The following CCDC85A variants were observed in gnomAD, a reference collection of about 807,000 sequenced individuals.
CCDC85A encodes coiled-coil domain containing 85A, also known as coiled-coil domain-containing protein 85A.
A neutral mutation model predicts 50.2 loss-of-function variants in CCDC85A; 38 were observed. The observed-to-expected ratio is 0.76, with a 90% CI of 0.58 to 0.99. The LOEUF (loss-of-function observed/expected upper bound fraction) is 0.99. Among genes scored for constraint, CCDC85A ranks in the 50% least tolerant of loss-of-function variants. The pLI is 0.00. For synonymous variants in CCDC85A, 366 were observed against 301.4 expected (o/e 1.21, Z -2.22); for missense variants, 820 against 742.0 (o/e 1.11, Z -1.22).
Position 56,342,961 on chromosome 2 carries a change from T to C in CCDC85A, c.1317+6T>C. Reference sequence around the variant, plus strand: ...AAAATCGCATGCTGCCCCAGGTGGGTGACTTCCAGAAGCTCATAGCTAGTC... The same window carrying C: ...AAAATCGCATGCTGCCCCAGGTGGGCGACTTCCAGAAGCTCATAGCTAGTC... On this transcript the variant is annotated splice_donor_region_variant and intron_variant, in intron 3 of 5. Transcript: ENST00000407595. The C allele has an allele frequency of 6.3e-7, 1 of 1,582,848 alleles. No individual in the cohort carries two copies. The highest frequency in any genetic ancestry group is 2.3e-5 in the East Asian group (1 of 43,624).
intron 2 of CCDC85A, among the ~76,000 whole-genome samples, chr2:56,299,162 A>G (rs116086718): frequency 1.0e-3 from 158 of 152,276 alleles, no homozygotes; most frequent in Non-Finnish European, 1.8e-3. Flanking sequence ...TGGAAGAGTA[A>G]AGGCTACACA....
At chr2:56,307,745 A>G (rs780383890) in intron 2 of CCDC85A, among the ~76,000 whole-genome samples, 28 of 152,238 alleles carry the variant, frequency 1.8e-4, no homozygotes, top group Middle Eastern at 3.4e-3. Context: ...CAGGATTAAA[A>G]CGCATGTCTC....
rs116056996 is a variant in CCDC85A, at chr2:56,353,273, T to C, written c.1317+10318T>C. On this transcript the variant is annotated intron_variant, in intron 3 of 5. Coordinates refer to ENST00000407595, the MANE Select transcript of CCDC85A (RefSeq NM_001080433.2). ...TAATCAGTGTTGGTTTTATGTGTAT[T>C]TGGAGAGATAACATGCAGTCCCCTT... Among the ~76,000 whole-genome samples the C allele has an allele frequency of 2.1e-3, 327 of 152,332 alleles. 1 individual carries two copies. The highest frequency in any genetic ancestry group is 7.3e-3 in the African/African-American group (305 of 41,574).
chr2:56,203,928 A>G (rs1171642797), intron 2 of CCDC85A, among the ~76,000 whole-genome samples: 2 of 152,202 alleles, frequency 1.3e-5, no homozygotes, highest in South Asian at 2.1e-4. Context: ...AAAGGGCTGG[A>G]TAACGGCATG....
chr2:56,380,631 A>G (rs902541589), intron 5 of CCDC85A, among the ~76,000 whole-genome samples: 13 of 151,794 alleles, frequency 8.6e-5, no homozygotes, highest in Non-Finnish European at 1.6e-4. Flanking sequence ...ACAGTAAAAA[A>G]ATAAATAAAT....
chr2:56,341,082 C>T (rs1273855390), intron 2 of CCDC85A, among the ~76,000 whole-genome samples: 7 of 152,082 alleles, frequency 4.6e-5, no homozygotes, highest in Non-Finnish European at 1.5e-5. Context: ...TCCACATGTG[C>T]AGTGGCCTGC....
Position 56,184,859 on chromosome 2 carries a change from C to G in CCDC85A, c.235C>G (p.Arg79Gly), listed in dbSNP as rs1329638588. Reference sequence around the variant, plus strand: ...CAGCAACCTCATCCGCGAGGTGAACCGCCGCCTGCAGCTGCACCTCGGCGA... The same window carrying G: ...CAGCAACCTCATCCGCGAGGTGAACGGCCGCCTGCAGCTGCACCTCGGCGA... Reference protein sequence around the residue: ...DHSNLIREVNRRLQLHLGEIR... With the variant: ...DHSNLIREVNGRLQLHLGEIR... Residue 79 changes from arginine to glycine, a missense_variant, in exon 1 of 6, where the codon CGC (arginine) becomes GGC (glycine). Transcript: ENST00000407595. 6.5e-7 allele frequency: 1 copy of G among 1,537,888 alleles called. No individual in the cohort carries two copies.
intron 2 of CCDC85A, among the ~76,000 whole-genome samples, chr2:56,221,127 A>G (rs1277564500): frequency 2.6e-5 from 4 of 152,050 alleles, no homozygotes; most frequent in Non-Finnish European, 4.4e-5. Context: ...CTAGCTTATG[A>G]ATAAGAGATT....
intron 1 of CCDC85A, chr2:56,185,556 A>C (rs1370014105): frequency 1.3e-5 from 2 of 152,406 alleles, no homozygotes; most frequent in Non-Finnish European, 2.9e-5. Flanking sequence ...CCCCAGGTTG[A>C]CTGGGGGAAA....
chr2:56,241,617 CA>C (rs1669262420), intron 2 of CCDC85A, among the ~76,000 whole-genome samples: 1 of 152,140 alleles, frequency 6.6e-6, no homozygotes, highest in African/African-American at 2.4e-5. Context: ...TTTTACTTAG[CA>C]TAGTGACCTC....
chr2:56,210,168 A>G (rs1175225475), intron 2 of CCDC85A, among the ~76,000 whole-genome samples: 1 of 152,114 alleles, frequency 6.6e-6, no homozygotes, highest in Non-Finnish European at 1.5e-5. Flanking sequence ...GAAGGCACAT[A>G]TCTGCCTCCA....
At chr2:56,369,167 AAAG>A (rs1297222638) in intron 3 of CCDC85A, among the ~76,000 whole-genome samples, 1 of 152,180 alleles carries the variant, frequency 6.6e-6, no homozygotes, top group Non-Finnish European at 1.5e-5. Context: ...AAATTTGAGA[AAAG>A]AAACACGACA....
chr2:56,208,173 A>G (rs2103870163), intron 2 of CCDC85A, among the ~76,000 whole-genome samples: 3 of 152,216 alleles, frequency 2.0e-5, no homozygotes, highest in Admixed American at 2.0e-4. Flanking sequence ...TTTTATCCAT[A>G]CAATGAGGTC....
At chr2:56,241,744 G>A (rs1435735086) in intron 2 of CCDC85A, among the ~76,000 whole-genome samples, 1 of 152,150 alleles carries the variant, frequency 6.6e-6, no homozygotes, top group African/African-American at 2.4e-5. Context: ...GGACACTTAG[G>A]TTGTTTCAAA....
intron 2 of CCDC85A, among the ~76,000 whole-genome samples, chr2:56,197,870 A>C (rs1676589371): frequency 6.6e-6 from 1 of 152,246 alleles, no homozygotes; most frequent in Non-Finnish European, 1.5e-5. Context: ...ACATATGAGT[A>C]GGCTCATGAC....
rs75866290 is a variant in CCDC85A, at chr2:56,342,773, A to T, written c.1241-106A>T. 775 of 626,588 alleles carry T rather than the reference A, an allele frequency of 1.2e-3. 8 individuals are homozygous for T. The African/African-American group carries it at 0.013, about 11-fold the overall frequency. 38.8% of individuals were successfully genotyped at this position (626,588 alleles called of 1,614,324 possible). A position where few individuals can be genotyped will look rare whatever the true frequency, so the allele number is the denominator to read the frequency against. ...TTTTTTTTCTCATTTTAAATAACAG[A>T]CTAAATAGTCACTGTCTGATTTGAA... On this transcript the variant is annotated intron_variant, in intron 2 of 5. Transcript: ENST00000407595.
intron 2 of CCDC85A, among the ~76,000 whole-genome samples, chr2:56,295,947 G>T (rs566204715): frequency 6.6e-6 from 1 of 152,180 alleles, no homozygotes; most frequent in Non-Finnish European, 1.5e-5. Context: ...GTTTTTCTAC[G>T]ACTTTCTAAT....
chr2:56,370,637 C>T (rs1676025782), intron 3 of CCDC85A, among the ~76,000 whole-genome samples: 1 of 152,042 alleles, frequency 6.6e-6, no homozygotes, highest in Non-Finnish European at 1.5e-5. Flanking sequence ...GTAGTATCTA[C>T]TTTCTGAAAG....
intron 2 of CCDC85A, among the ~76,000 whole-genome samples, chr2:56,318,091 A>G (rs1030330099): frequency 1.3e-5 from 2 of 152,118 alleles, no homozygotes; most frequent in African/African-American, 2.4e-5. Context: ...TCCTACAGAG[A>G]CTTAATAGAA....
Sources: allele counts gnomAD v4.1 joint callset (sites outside exome capture counted in the v4.1 genomes callset), GRCh38; gene constraint gnomAD v4.1.1; transcripts MANE v1.5; gene names NCBI Gene and HGNC (gene_info 2026-07-23, HGNC 2026-07-21).